TENT5C: variants seen among roughly 807,000 people sequenced by gnomAD.
The protein encoded by TENT5C is family with sequence similarity 46 member C.
TENT5C carries 5 observed loss-of-function variants against 22.2 expected under a neutral mutation model. The observed-to-expected ratio is 0.22, with a 90% confidence interval of 0.12 to 0.47. The LOEUF (loss-of-function observed/expected upper bound fraction) is 0.47, where lower values mean the gene tolerates loss of function less well. Among genes scored for constraint, TENT5C ranks in the 20% least tolerant of loss-of-function variants. TENT5C has a pLI of 0.99. For synonymous variants in TENT5C, 199 were observed against 195.4 expected (o/e 1.02, Z -0.15); for missense variants, 364 against 500.9 (o/e 0.73, Z 2.61).
intron 1 of TENT5C, among the ~76,000 whole-genome samples, chr1:117,609,579 G>C (rs1326130937): frequency 2.6e-5 from 4 of 152,220 alleles, no homozygotes; most frequent in Non-Finnish European, 5.9e-5. Context: ...GCTAGTGCCA[G>C]GTGCTGAGGA....
chr1:117,622,995 A>T lies in TENT5C; in HGVS notation c.127A>T (p.Thr43Ser), dbSNP rs1028657074. ...TATCCACGGACGAGGCAACTTTCCA[A>T]CCTTGGAGATAACTCTGAAGGACAT... ...VPIHGRGNFP[T>S]LEITLKDIVQ... is the part of the protein sequence containing the mutation. Residue 43 changes from threonine to serine, a missense_variant, in exon 2 of 2, where the codon ACC becomes TCC. Transcript: ENST00000369448. 6.2e-7 allele frequency: 1 copy of T among 1,614,056 alleles called. No individual in the cohort carries two copies. Among genetic ancestry groups the T allele is most frequent in the African/African-American group, 1.3e-5 (1 of 74,924 alleles).
At chr1:117,616,994 A>C (rs1250182806) in intron 1 of TENT5C, among the ~76,000 whole-genome samples, 2 of 152,190 alleles carry the variant, frequency 1.3e-5, no homozygotes, top group Non-Finnish European at 2.9e-5. Context: ...TTCTGTGTCT[A>C]ATGCCAGGCA....
rs777988776 is a variant in TENT5C at position 117,611,252 on chromosome 1, C to T, written c.-28+5099C>T. On this transcript the variant is annotated intron_variant, in intron 1 of 1. Transcript: ENST00000369448. ...AGGACTGATCCAGAAGCAGAGATGA[C>T]GCGTACACTCATCAAGTGCCTGATA... is the stretch of plus-strand genomic sequence containing the variant. Among the ~76,000 whole-genome samples, 4 of 152,194 alleles carry T rather than the reference C, an allele frequency of 2.6e-5. No individual in the cohort carries two copies. The South Asian group carries it at 6.2e-4, about 24-fold the overall frequency.
chr1:117,623,628 G>A lies in TENT5C; in HGVS notation c.760G>A (p.Asp254Asn), dbSNP rs1462556539. ...LLKYSNLLVRDFRPTDQEEIK... is the reference protein window; with the variant it reads ...LLKYSNLLVRNFRPTDQEEIK... The stretch of plus-strand genomic sequence containing the variant: ...CAAGTACAGCAACCTTCTTGTGCGG[G>A]ACTTCAGGCCCACAGACCAGGAAGA... The change falls in exon 2 of 2, where the codon GAC becomes AAC. Residue 254 changes from aspartate (D) to asparagine (N), a missense_variant. By Grantham distance (23) the Asp-to-Asn change is conservative (BLOSUM62 1). Transcript: ENST00000369448. 2.5e-6 allele frequency: 4 copies of A among 1,613,528 alleles called. No homozygotes were observed. Among genetic ancestry groups the A allele is most frequent in the Middle Eastern group, 3.3e-4 (2 of 6,084 alleles).
rs560741282 is a variant in TENT5C, at chr1:117,621,275, C to G, written c.-27-1567C>G. On this transcript the variant is annotated intron_variant, in intron 1 of 1. Coordinates refer to ENST00000369448, the MANE Select transcript of TENT5C (RefSeq NM_017709.4). The stretch of plus-strand genomic sequence containing the variant: ...GCCCGCTGCTTTCTGCCTCTCGGCC[C>G]CAACCAACAGCTCATGTTGTCTTTC... Among the ~76,000 whole-genome samples the G allele has an allele frequency of 5.3e-5, 8 of 152,306 alleles. No individual in the cohort carries two copies. The East Asian group carries it at 1.4e-3, about 26-fold the overall frequency.
rs1261703210 is a variant in TENT5C, at chr1:117,625,951, A to G, written c.*1907A>G. The G allele has an allele frequency of 1.2e-5, 3 of 247,764 alleles. No homozygotes were observed. Among genetic ancestry groups the G allele is most frequent in the Non-Finnish European group, 2.5e-5 (3 of 117,974 alleles). The allele number at this position is 247,764 out of a possible 1,614,324, so 15.3% of individuals were successfully genotyped here. A position where few individuals can be genotyped will look rare whatever the true frequency, so the allele number is the denominator to read the frequency against. On this transcript the variant is annotated 3_prime_UTR_variant, in exon 2 of 2. Transcript: ENST00000369448. ...TGGCTTTGAGTCAAGGCCGGTTCTA[A>G]TTGAGGGGACCCAGTGTGCTTCAGT...
Position 117,623,703 on chromosome 1 carries a change from C to T in TENT5C, c.835C>T (p.Pro279Ser). The change falls in exon 2 of 2, where the codon CCG becomes TCG. Residue 279 changes from proline (P) to serine (S), a missense_variant. Transcript: ENST00000369448. ...YMCSRFFIDF[P>S]DILEQQRKLE... The stretch of plus-strand genomic sequence containing the variant: ...GTGCTCCAGGTTCTTCATCGACTTC[C>T]CGGACATCCTTGAACAGCAGAGGAA... 6.2e-7 allele frequency: 1 copy of T among 1,614,130 alleles called. No individual in the cohort carries two copies. The highest frequency in any genetic ancestry group is 1.3e-5 in the African/African-American group (1 of 75,042).
rs374771706 is a variant in TENT5C at position 117,618,423 on chromosome 1, A to G, written c.-27-4419A>G. Among the ~76,000 whole-genome samples the G allele has an allele frequency of 1.7e-4, 26 of 152,296 alleles. No homozygotes were observed. In the East Asian group the frequency reaches 3.3e-3, roughly 19 times the overall value. On this transcript the variant is annotated intron_variant, in intron 1 of 1. Transcript: ENST00000369448. The stretch of plus-strand genomic sequence containing the variant: ...TTTTTTTTTAATGAGCATCTTTTTA[A>G]AAAGTATATGAGTAGAAACTTGATA...
intron 1 of TENT5C, among the ~76,000 whole-genome samples, chr1:117,618,397 G>A (rs1011843367): frequency 6.6e-6 from 1 of 151,320 alleles, no homozygotes; most frequent in Non-Finnish European, 1.5e-5. Context: ...AGAGTCTGAG[G>A]TTTTTTTTTA....
intron 1 of TENT5C, among the ~76,000 whole-genome samples, chr1:117,615,507 T>C (rs1437945588): frequency 3.3e-5 from 5 of 152,334 alleles, no homozygotes; most frequent in Admixed American, 3.3e-4. Flanking sequence ...TTTTACTGCC[T>C]ATTTGTGATG....
At chr1:117,619,417 G>C (rs895929372) in intron 1 of TENT5C, among the ~76,000 whole-genome samples, 2 of 151,990 alleles carry the variant, frequency 1.3e-5, no homozygotes, top group African/African-American at 4.8e-5. Context: ...TCTCTGTTGG[G>C]GTTCTTCTGG....
At chr1:117,615,224 A>G (rs1653755963) in intron 1 of TENT5C, among the ~76,000 whole-genome samples, 1 of 151,868 alleles carries the variant, frequency 6.6e-6, no homozygotes. Context: ...TTTTCTTTCT[A>G]CTTACTGTCA....
intron 1 of TENT5C, among the ~76,000 whole-genome samples, chr1:117,610,839 C>T (rs1406649027): frequency 1.3e-5 from 2 of 152,200 alleles, no homozygotes; most frequent in Non-Finnish European, 2.9e-5. Context: ...TACTTTCTTA[C>T]AGTTCTTCCT....
At chr1:117,610,199 C>G (rs1428816388) in intron 1 of TENT5C, among the ~76,000 whole-genome samples, 1 of 152,094 alleles carries the variant, frequency 6.6e-6, no homozygotes, top group African/African-American at 2.4e-5. Context: ...GTGAGTCCGC[C>G]TCCCCTGCCT....
Position 117,625,681 on chromosome 1 carries a change from G to A in TENT5C, c.*1637G>A, listed in dbSNP as rs1653997058. 4.0e-6 allele frequency: 1 copy of A among 248,034 alleles called. No individual in the cohort carries two copies. Among genetic ancestry groups the A allele is most frequent in the Non-Finnish European group, 8.5e-6 (1 of 118,106 alleles). 15.4% of individuals were successfully genotyped at this position (248,034 alleles called of 1,614,324 possible). A position where few individuals can be genotyped will look rare whatever the true frequency, so the allele number is the denominator to read the frequency against. ...AGTGATTGTTTTCTCCTTGCTTTAAGCAGTGAAGTTATCCTAATGCAAAAG... is the reference window on the plus strand; with the variant it reads ...AGTGATTGTTTTCTCCTTGCTTTAAACAGTGAAGTTATCCTAATGCAAAAG... On this transcript the variant is annotated 3_prime_UTR_variant, in exon 2 of 2. Transcript: ENST00000369448.
At position 117,623,294 on chromosome 1, in the gene TENT5C, A is replaced by G. The variant is rs369207448; in HGVS notation, c.426A>G (p.Leu142=). 7 of 1,614,040 alleles carry G rather than the reference A, an allele frequency of 4.3e-6. No homozygotes were observed. The highest frequency in any genetic ancestry group is 1.3e-5 in the African/African-American group (1 of 74,924). The change falls in exon 2 of 2, where the codon CTA becomes CTG. Residue 142 remains leucine (L), a synonymous_variant. Coordinates refer to ENST00000369448, the MANE Select transcript of TENT5C (RefSeq NM_017709.4). ...VTLKEAYVQK[L]VKVCTDTDRW... is the part of the protein sequence containing the mutation. ...TGAAGGAGGCATATGTGCAGAAGCT[A>G]GTGAAGGTTTGCACGGACACTGACC...
At chr1:117,620,662 G>A (rs1392203173) in intron 1 of TENT5C, among the ~76,000 whole-genome samples, 1 of 152,146 alleles carries the variant, frequency 6.6e-6, no homozygotes, top group Non-Finnish European at 1.5e-5. Flanking sequence ...GCAGGTGAGC[G>A]AGCATTACCA....
At chr1:117,619,461 T>C (rs1335362734) in intron 1 of TENT5C, among the ~76,000 whole-genome samples, 2 of 152,226 alleles carry the variant, frequency 1.3e-5, no homozygotes, top group African/African-American at 2.4e-5. Flanking sequence ...TTATTCATTA[T>C]GGAAATGAGT....
rs1300080171 is a variant in TENT5C at position 117,623,996 on chromosome 1, T to C, written c.1128T>C (p.Pro376=). 2.5e-6 allele frequency: 4 copies of C among 1,613,784 alleles called. No individual in the cohort carries two copies. Among genetic ancestry groups the C allele is most frequent in the Non-Finnish European group, 3.4e-6 (4 of 1,179,968 alleles). Residue 376 remains proline, a synonymous_variant, in exon 2 of 2, where the codon CCT becomes CCC. Transcript: ENST00000369448. ...TCAGCAACTACTACGTTGCCCATCC[T>C]CCAGTCACCTACAGCCAGCCTTACC... ...GNFSNYYVAH[P]PVTYSQPYPT...
Sources: gnomAD v4.1 joint callset for allele counts (sites outside exome capture counted in the v4.1 genomes callset) on GRCh38, gnomAD v4.1.1 for gene constraint, MANE v1.5 for transcripts, NCBI Gene and HGNC (gene_info 2026-07-23, HGNC 2026-07-21) for gene names.